GLIS3: variants seen among roughly 807,000 people sequenced by gnomAD.
GLIS3 encodes the protein GLIS family zinc finger 3.
Under a neutral mutation model 78.6 loss-of-function variants are expected in GLIS3, and 53 were observed. The ratio of observed to expected loss-of-function variants is 0.67; its 90% CI spans 0.54 to 0.85. The LOEUF is 0.85. Among genes scored for constraint, GLIS3 ranks in the 40% least tolerant of loss-of-function variants. The pLI is 0.00. For missense variants in GLIS3, 1,703 were observed against 1,231.1 expected (o/e 1.38, Z -5.74); for synonymous variants, 684 against 509.9 (o/e 1.34, Z -4.60).
intron 2 of GLIS3, among the ~76,000 whole-genome samples, chr9:4,238,855 T>C (rs769028503): frequency 6.6e-6 from 1 of 152,052 alleles, no homozygotes; most frequent in Non-Finnish European, 1.5e-5. Flanking sequence ...AGCAGAGAGA[T>C]GGACTCTAAC....
intron 9 of GLIS3, among the ~76,000 whole-genome samples, chr9:3,832,093 T>C (rs2129969285): frequency 6.6e-6 from 1 of 151,896 alleles, no homozygotes; most frequent in East Asian, 1.9e-4. Flanking sequence ...TCTTGGTGCC[T>C]CAGTTTTCCA....
intron 6 of GLIS3, among the ~76,000 whole-genome samples, chr9:3,928,244 T>C (rs1825381668): frequency 6.6e-6 from 1 of 152,224 alleles, no homozygotes; most frequent in African/African-American, 2.4e-5. Context: ...TGCCTATTAC[T>C]AATATTCTAT....
intron 4 of GLIS3, among the ~76,000 whole-genome samples, chr9:4,082,768 C>A (rs10974324): frequency 6.6e-6 from 1 of 152,024 alleles, no homozygotes; most frequent in South Asian, 2.1e-4. Flanking sequence ...TCTTTACTTG[C>A]ATATTCTGGA....
intron 2 of GLIS3, among the ~76,000 whole-genome samples, chr9:4,183,643 T>G (rs905780151): frequency 7.2e-5 from 11 of 152,232 alleles, no homozygotes; most frequent in East Asian, 1.9e-4. Flanking sequence ...TAGATTTACT[T>G]TGAAGGTCTC....
At chr9:4,461,909 T>G in the GLIS3 span, among the ~76,000 whole-genome samples, 16,520 of 152,256 alleles carry the variant, frequency 0.11, 1,003 homozygotes, top group Middle Eastern at 0.15. Context: ...AAACTTAATC[T>G]GAGAATGAGA....
chr9:4,164,412 T>G (rs1224915915), intron 2 of GLIS3, among the ~76,000 whole-genome samples: 2 of 152,202 alleles, frequency 1.3e-5, no homozygotes, highest in Admixed American at 6.5e-5. Flanking sequence ...TTTGTTGTTG[T>G]GATAAAGAGG....
chr9:3,979,938 G>A (rs146474069), intron 4 of GLIS3, among the ~76,000 whole-genome samples: 5 of 152,138 alleles, frequency 3.3e-5, no homozygotes, highest in East Asian at 3.9e-4. Context: ...ATGGGTCAAC[G>A]TAAGGAACGG....
At chr9:4,240,957 G>A (rs1419991175) in intron 2 of GLIS3, among the ~76,000 whole-genome samples, 1 of 890 alleles carries the variant, frequency 1.1e-3, no homozygotes, top group Non-Finnish European at 6.5e-3. Flanking sequence ...ATGTATGAGT[G>A]TGTGTGTGTG....
intron 4 of GLIS3, among the ~76,000 whole-genome samples, chr9:4,086,427 C>G (rs1485735672): frequency 6.6e-6 from 1 of 152,200 alleles, no homozygotes; most frequent in Non-Finnish European, 1.5e-5. Context: ...ACTGTGAGCT[C>G]TCAGAGACCA....
At chr9:3,923,367 T>C (rs1825017899) in intron 6 of GLIS3, among the ~76,000 whole-genome samples, 1 of 152,130 alleles carries the variant, frequency 6.6e-6, no homozygotes, top group African/African-American at 2.4e-5. Context: ...ACTGTGACCC[T>C]TGCTGACACT....
chr9:4,393,685 G>T, the GLIS3 span, among the ~76,000 whole-genome samples: 1 of 152,150 alleles, frequency 6.6e-6, no homozygotes, highest in African/African-American at 2.4e-5. Flanking sequence ...ATGTTTCCTT[G>T]TGATTAGATT....
chr9:4,409,920 C>T, the GLIS3 span, among the ~76,000 whole-genome samples: 1 of 152,110 alleles, frequency 6.6e-6, no homozygotes, highest in African/African-American at 2.4e-5. Context: ...TCTTTTTTGA[C>T]AGTATACATA....
chr9:4,181,856 G>C (rs1817354549), intron 2 of GLIS3, among the ~76,000 whole-genome samples: 2 of 152,152 alleles, frequency 1.3e-5, no homozygotes, highest in Admixed American at 6.5e-5. Flanking sequence ...AATTATCCAA[G>C]CTAAGGGCCC....
chr9:4,388,624 C>T, the GLIS3 span, among the ~76,000 whole-genome samples: 949 of 151,956 alleles, frequency 6.2e-3, 3 homozygotes, highest in Middle Eastern at 0.01. Context: ...TGCAGTGAGC[C>T]GAGATGGCGC....
chr9:4,208,780 G>T (rs751413518), intron 2 of GLIS3, among the ~76,000 whole-genome samples: 1 of 152,186 alleles, frequency 6.6e-6, no homozygotes, highest in Non-Finnish European at 1.5e-5. Context: ...CCCTCTAAAT[G>T]CCTGGAGATG....
the GLIS3 span, among the ~76,000 whole-genome samples, chr9:4,456,481 T>C: frequency 6.6e-6 from 1 of 152,254 alleles, no homozygotes; most frequent in East Asian, 1.9e-4. Flanking sequence ...TAAAACTTTC[T>C]CGCTATCAGC....
intron 8 of GLIS3, among the ~76,000 whole-genome samples, chr9:3,874,994 A>G (rs904571513): frequency 3.9e-5 from 6 of 152,198 alleles, no homozygotes; most frequent in African/African-American, 1.4e-4. Context: ...ATTCTCTTGT[A>G]AAAGATGAGC....
chr9:4,455,403 G>C, the GLIS3 span, among the ~76,000 whole-genome samples: 2 of 152,228 alleles, frequency 1.3e-5, no homozygotes, highest in Admixed American at 1.3e-4. Context: ...CCAAGAAGAG[G>C]ATGGAAGTGG....
At chr9:4,470,396 C>A in the GLIS3 span, among the ~76,000 whole-genome samples, 10 of 152,170 alleles carry the variant, frequency 6.6e-5, no homozygotes, top group African/African-American at 2.4e-4. Flanking sequence ...CATCAAAAAG[C>A]TTATCCACCA....
Sources: gnomAD v4.1 joint callset for allele counts (sites outside exome capture counted in the v4.1 genomes callset) on GRCh38, gnomAD v4.1.1 for gene constraint, MANE v1.5 for transcripts, NCBI Gene and HGNC (gene_info 2026-07-23, HGNC 2026-07-21) for gene names.